The following POLQ variants were observed in gnomAD, a reference collection of about 807,000 sequenced individuals.
POLQ encodes the protein DNA polymerase theta.
Under a neutral mutation model 259.2 loss-of-function variants are expected in POLQ, and 233 were observed. The ratio of observed to expected loss-of-function variants is 0.90; its 90% CI spans 0.81 to 1.00. The LOEUF (loss-of-function observed/expected upper bound fraction) is 1.00, where lower values mean the gene tolerates loss of function less well. Among genes scored for constraint, POLQ ranks in the 50% least tolerant of loss-of-function variants. The probability of loss-of-function intolerance (pLI) is 0.00; values close to 1 mark genes in which losing one functional copy is unlikely to be tolerated. For missense variants in POLQ, 2,871 were observed against 3,051.6 expected, an observed-to-expected ratio of 0.94 and a Z score of 1.39; for synonymous variants, 1,025 against 1,048.8, an observed-to-expected ratio of 0.98 and a Z score of 0.44.
At chr3:121,538,100 C>T (rs545316901) in intron 4 of POLQ, among the ~76,000 whole-genome samples, 2 of 152,198 alleles carry the variant, frequency 1.3e-5, no homozygotes, top group African/African-American at 4.8e-5. Flanking sequence ...ATATCAAAGA[C>T]ATCTATGTCA....
chr3:121,476,248 T>C (rs1357988277), intron 20 of POLQ, among the ~76,000 whole-genome samples: 1 of 152,172 alleles, frequency 6.6e-6, no homozygotes, highest in Non-Finnish European at 1.5e-5. Context: ...GTACCAATCA[T>C]TTCTTCAACA....
At chr3:121,504,760 T>A (rs1013502802) in intron 12 of POLQ, among the ~76,000 whole-genome samples, 1 of 152,218 alleles carries the variant, frequency 6.6e-6, no homozygotes, top group Non-Finnish European at 1.5e-5. Context: ...TGTAACCCCA[T>A]TGCATCTTGG....
intron 3 of POLQ, among the ~76,000 whole-genome samples, chr3:121,540,742 G>A (rs926340208): frequency 8.5e-5 from 13 of 152,146 alleles, no homozygotes; most frequent in East Asian, 1.9e-4. Flanking sequence ...CTTAATGTGC[G>A]TGTTTATATG....
Position 121,494,908 on chromosome 3 carries a change from A to G in POLQ, c.2279-1187T>C, listed in dbSNP as rs1316983929. 3 of 1,376,454 alleles carry G rather than the reference A, an allele frequency of 2.2e-6. No individual in the cohort carries two copies. In the East Asian group the frequency reaches 6.8e-5, roughly 31 times the overall value. The allele number at this position is 1,376,454 out of a possible 1,614,324, so 85.3% of individuals were successfully genotyped here. A position where few individuals can be genotyped will look rare whatever the true frequency, so the allele number is the denominator to read the frequency against. On this transcript the variant is annotated intron_variant, in intron 14 of 29. Transcript: ENST00000264233. ...AAGAACTTGCCACTAAACTGGGTTA[A>G]ATGTACACTGTTGAGTTTTCTGTAT...
chr3:121,459,426 G>C (rs1332166009), intron 25 of POLQ, among the ~76,000 whole-genome samples: 3 of 126,848 alleles, frequency 2.4e-5, no homozygotes, highest in Non-Finnish European at 3.1e-5. Context: ...CTTTCACCCA[G>C]GCTGGAGTGC....
At chr3:121,501,466 C>T (rs1235831504) in intron 12 of POLQ, among the ~76,000 whole-genome samples, 1 of 147,742 alleles carries the variant, frequency 6.8e-6, no homozygotes, top group Admixed American at 6.7e-5. Flanking sequence ...GAGACCATCC[C>T]GGCTAAAACG....
Position 121,487,764 on chromosome 3 carries a change from G to C in POLQ, c.5167C>G (p.Arg1723Gly). 1.2e-6 allele frequency: 2 copies of C among 1,611,724 alleles called. No individual in the cohort carries two copies. Among genetic ancestry groups the C allele is most frequent in the Admixed American group, 1.7e-5 (1 of 59,886 alleles). Reference protein sequence around the residue: ...NHDETSSLLPRKESNIVDDNG... With the variant: ...NHDETSSLLPGKESNIVDDNG... Reference sequence around the variant, plus strand: ...TCATCAACTATATTACTTTCTTTACGAGGTAAGAGGGATGAGGTTTCATCA... The same window carrying C: ...TCATCAACTATATTACTTTCTTTACCAGGTAAGAGGGATGAGGTTTCATCA... Residue 1723 changes from arginine (R) to glycine (G), a missense_variant, in exon 16 of 30, where the codon CGT (arginine) becomes GGT (glycine). This residue lies in a region of POLQ where 2,080 missense variants were observed against 2,126.0 expected (regional missense o/e 0.98). Transcript: ENST00000264233.
At chr3:121,542,840 G>A (rs574924425) in intron 2 of POLQ, among the ~76,000 whole-genome samples, 2 of 151,954 alleles carry the variant, frequency 1.3e-5, no homozygotes, top group African/African-American at 4.8e-5. Context: ...CTTTGGGGCC[G>A]GGCGTGGTGG....
chr3:121,524,612 A>G (rs1437539000), intron 7 of POLQ, among the ~76,000 whole-genome samples: 1 of 152,126 alleles, frequency 6.6e-6, no homozygotes, highest in Non-Finnish European at 1.5e-5. Flanking sequence ...AAAGCAAGCT[A>G]GATACAAAAG....
intron 3 of POLQ, among the ~76,000 whole-genome samples, chr3:121,540,658 C>A (rs1456227416): frequency 3.3e-5 from 5 of 151,974 alleles, no homozygotes; most frequent in African/African-American, 1.2e-4. Flanking sequence ...TCAATTAGGG[C>A]AGGATACACT....
chr3:121,440,456 T>G (rs2047582059), intron 26 of POLQ, among the ~76,000 whole-genome samples: 1 of 152,090 alleles, frequency 6.6e-6, no homozygotes, highest in Non-Finnish European at 1.5e-5. Flanking sequence ...CACCTCAGCC[T>G]CCTGCCTAGG....
chr3:121,450,984 G>A (rs201817018), intron 25 of POLQ, among the ~76,000 whole-genome samples: 5 of 151,736 alleles, frequency 3.3e-5, no homozygotes, highest in Admixed American at 1.3e-4. Flanking sequence ...GGCTTTGTTC[G>A]TTTCTTTTTA....
rs560620698 is a variant in POLQ, at chr3:121,470,030, C to T, written c.6719-1599G>A. On this transcript the variant is annotated intron_variant, in intron 22 of 29. Coordinates refer to ENST00000264233, the MANE Select transcript of POLQ (RefSeq NM_199420.4). ...CCATTGAAAATTCTAGGTTGCTGGG[C>T]GTGGTGGCTAATGCCTGTAATCCCA... Among the ~76,000 whole-genome samples, 13 of 152,192 alleles carry T rather than the reference C, an allele frequency of 8.5e-5. No homozygotes were observed. In the South Asian group the frequency reaches 1.0e-3, roughly 12 times the overall value.
intron 20 of POLQ, among the ~76,000 whole-genome samples, chr3:121,475,561 C>T (rs73193621): frequency 0.036 from 5,506 of 152,006 alleles, 151 homozygotes; most frequent in Middle Eastern, 0.082. Flanking sequence ...GAAGAGAGAC[C>T]CATTATGATT....
intron 26 of POLQ, among the ~76,000 whole-genome samples, chr3:121,446,157 C>A (rs771660162): frequency 1.3e-5 from 2 of 151,894 alleles, no homozygotes; most frequent in Non-Finnish European, 2.9e-5. Context: ...TCATTTGTTT[C>A]AAGAAATTTT....
In POLQ at chr3:121,461,659, A is replaced by G. The variant is rs1156280623; in HGVS notation, c.6968-1425T>C. Among the ~76,000 whole-genome samples the G allele has an allele frequency of 4.2e-5, 6 of 142,940 alleles. No individual in the cohort carries two copies. The South Asian group carries it at 1.5e-3, about 36-fold the overall frequency. 93.8% of individuals were successfully genotyped at this position (142,940 alleles called of 152,430 possible). A position where few individuals can be genotyped will look rare whatever the true frequency, so the allele number is the denominator to read the frequency against. On this transcript the variant is annotated intron_variant, in intron 24 of 29. Transcript: ENST00000264233. ...AGTGAGACTCCGTCTCAAAAAAAAA[A>G]AAAAAGAAAGAAAAAGAAACATTAC...
intron 8 of POLQ, 27 bp from the exon 9 acceptor site, chr3:121,520,110 T>C (rs1387340720): frequency 3.8e-6 from 5 of 1,301,622 alleles, no homozygotes; most frequent in South Asian, 3.6e-5. Context: ...TTTATATATT[T>C]ATTGATATAT....
chr3:121,535,401 G>C (rs974642941), intron 5 of POLQ, among the ~76,000 whole-genome samples: 1 of 152,086 alleles, frequency 6.6e-6, no homozygotes, highest in Admixed American at 6.6e-5. Flanking sequence ...TTCTAATCTT[G>C]ACTTTTATAC....
intron 12 of POLQ, among the ~76,000 whole-genome samples, chr3:121,501,318 T>G (rs1337547825): frequency 6.6e-6 from 1 of 151,706 alleles, no homozygotes; most frequent in African/African-American, 2.4e-5. Context: ...TAACAAACAT[T>G]TCCAGATAAA....
Sources: allele counts gnomAD v4.1 joint callset (sites outside exome capture counted in the v4.1 genomes callset), GRCh38; gene constraint gnomAD v4.1.1; regional missense constraint gnomAD v4.1.1; transcripts MANE v1.5; gene names NCBI Gene and HGNC (gene_info 2026-07-23, HGNC 2026-07-21).